Variants in XPR1 observed in about 807,000 individuals in gnomAD.
XPR1 encodes solute carrier family 53 member 1.
In XPR1, 28 loss-of-function variants were observed where a neutral mutation model predicts 87.5. The observed-to-expected ratio is 0.32, with a 90% CI of 0.24 to 0.44. XPR1 has a LOEUF of 0.44. XPR1 is among the 20% of genes least tolerant of loss of function. The probability of loss-of-function intolerance (pLI) is 1.00; values close to 1 mark genes in which losing one functional copy is unlikely to be tolerated. For synonymous variants in XPR1, 300 were observed against 306.1 expected (o/e 0.98, Z 0.21); for missense variants, 559 against 862.3 (o/e 0.65, Z 4.41).
In XPR1 at chr1:180,888,116, G is replaced by A. The variant is rs758239601; in HGVS notation, c.*4050G>A. Reference sequence around the variant, plus strand: ...GATGCCTCCATCTGTCCGCTTAGTGGTTATTAAATTGCTGGGAAAGACCTG... The same window carrying A: ...GATGCCTCCATCTGTCCGCTTAGTGATTATTAAATTGCTGGGAAAGACCTG... On this transcript the variant is annotated 3_prime_UTR_variant, in exon 15 of 15. Transcript: ENST00000367590. The A allele has an allele frequency of 8.5e-5, 13 of 152,170 alleles. No homozygotes were observed. The highest frequency in any genetic ancestry group is 1.5e-4 in the Non-Finnish European group (10 of 68,038). 9.4% of individuals were successfully genotyped at this position (152,170 alleles called of 1,614,324 possible). A position where few individuals can be genotyped will look rare whatever the true frequency, so the allele number is the denominator to read the frequency against.
rs137952406 is a variant in XPR1, at chr1:180,637,975, A to C, written c.69+5705A>C. Among the ~76,000 whole-genome samples, 127 of 152,334 alleles carry C rather than the reference A, an allele frequency of 8.3e-4. 2 individuals are homozygous for C. The East Asian group carries it at 0.022, about 26-fold the overall frequency. On this transcript the variant is annotated intron_variant, in intron 1 of 14. Coordinates refer to ENST00000367590, the MANE Select transcript of XPR1 (RefSeq NM_004736.4). ...TCTGTTTTTTCAGTTTATAGCCATT[A>C]ATTAAGTTTCAAAATCAAATGAATC...
rs539497810 is a variant in XPR1, at chr1:180,727,585, A to C, written c.121+45174A>C. Among the ~76,000 whole-genome samples the C allele has an allele frequency of 1.4e-4, 22 of 152,282 alleles. No individual in the cohort carries two copies. In the East Asian group the frequency reaches 4.3e-3, roughly 29 times the overall value. ...CTTGAACCCAGGAGGCAGAGGTTGC[A>C]GTGAGCCGAGATCGCACCATTGCAC... On this transcript the variant is annotated intron_variant, in intron 2 of 14. Transcript: ENST00000367590.
intron 1 of XPR1, among the ~76,000 whole-genome samples, chr1:180,634,310 C>T (rs1290988779): frequency 2.0e-5 from 3 of 152,132 alleles, no homozygotes; most frequent in Non-Finnish European, 4.4e-5. Context: ...TACTATATGG[C>T]TCCTGTCCTA....
intron 11 of XPR1, among the ~76,000 whole-genome samples, chr1:180,859,443 CT>C (rs1652146508): frequency 6.6e-6 from 1 of 152,106 alleles, no homozygotes; most frequent in Non-Finnish European, 1.5e-5. Flanking sequence ...CTGAATATCA[CT>C]AAAGTGTGCT....
At chr1:180,696,604 G>A (rs1657183544) in intron 2 of XPR1, among the ~76,000 whole-genome samples, 2 of 152,210 alleles carry the variant, frequency 1.3e-5, no homozygotes, top group South Asian at 4.1e-4. Context: ...TTCCCCTTCA[G>A]TATGATGTTG....
chr1:180,672,655 C>T (rs1027699935), intron 1 of XPR1, among the ~76,000 whole-genome samples: 1 of 152,036 alleles, frequency 6.6e-6, no homozygotes, highest in Admixed American at 6.5e-5. Context: ...CTGACTTGTA[C>T]ATTATTCACC....
intron 11 of XPR1, among the ~76,000 whole-genome samples, chr1:180,839,410 G>A (rs898650510): frequency 6.6e-6 from 1 of 152,090 alleles, no homozygotes; most frequent in African/African-American, 2.4e-5. Flanking sequence ...TAATTGTTAG[G>A]AAAATAAAAA....
intron 2 of XPR1, among the ~76,000 whole-genome samples, chr1:180,708,737 C>T (rs1280316423): frequency 6.6e-6 from 1 of 152,004 alleles, no homozygotes; most frequent in Non-Finnish European, 1.5e-5. Flanking sequence ...AAATTTCAAA[C>T]TCTTTCATAA....
At chr1:180,642,985 A>G (rs112798476) in intron 1 of XPR1, among the ~76,000 whole-genome samples, 203 of 152,280 alleles carry the variant, frequency 1.3e-3, no homozygotes, top group African/African-American at 4.3e-3. Flanking sequence ...AGTTAATGCA[A>G]TCTGGTTTAG....
chr1:180,782,694 C>G (rs915219620), intron 2 of XPR1, among the ~76,000 whole-genome samples: 2 of 151,936 alleles, frequency 1.3e-5, no homozygotes, highest in Non-Finnish European at 2.9e-5. Flanking sequence ...TCTCCAAATA[C>G]AAGTCACATT....
chr1:180,729,047 T>C (rs1658458675), intron 2 of XPR1, among the ~76,000 whole-genome samples: 1 of 152,188 alleles, frequency 6.6e-6, no homozygotes, highest in South Asian at 2.1e-4. Context: ...TGTGTCCATG[T>C]GTGCTGAATG....
intron 1 of XPR1, among the ~76,000 whole-genome samples, chr1:180,638,564 C>A (rs902682374): frequency 2.0e-5 from 3 of 152,072 alleles, no homozygotes; most frequent in African/African-American, 7.2e-5. Context: ...ACAAATCATT[C>A]GTTCATTCCA....
chr1:180,782,158 C>T (rs991593108), intron 2 of XPR1, among the ~76,000 whole-genome samples: 9 of 151,658 alleles, frequency 5.9e-5, no homozygotes, highest in Admixed American at 2.6e-4. Context: ...TTTTTTCTCT[C>T]GTTTGACTTC....
intron 2 of XPR1, among the ~76,000 whole-genome samples, chr1:180,703,754 G>T (rs892445787): frequency 1.3e-5 from 2 of 152,020 alleles, no homozygotes; most frequent in Admixed American, 1.3e-4. Flanking sequence ...ATTTTTCATT[G>T]GTTTGTAATG....
intron 2 of XPR1, among the ~76,000 whole-genome samples, chr1:180,772,082 T>C (rs2102067175): frequency 6.6e-6 from 1 of 151,430 alleles, no homozygotes; most frequent in South Asian, 2.1e-4. Flanking sequence ...AGCTGTTCTT[T>C]CTCACACATT....
In XPR1 at chr1:180,825,151, C is replaced by G; in HGVS notation, c.955-14C>G. ...ATTTTTCTCTATCTTTCTGTCTTCC[C>G]CATCCTTTACTAGATTGCTGGATTC... On this transcript the variant is annotated splice_polypyrimidine_tract_variant and intron_variant, in intron 8 of 14. Coordinates refer to ENST00000367590, the MANE Select transcript of XPR1 (RefSeq NM_004736.4). The G allele has an allele frequency of 6.3e-7, 1 of 1,587,498 alleles. No individual in the cohort carries two copies. The highest frequency in any genetic ancestry group is 8.5e-7 in the Non-Finnish European group (1 of 1,170,848).
chr1:180,704,245 G>GATATATATATATATATATATAT lies in XPR1; in HGVS notation c.121+21845_121+21866dup, dbSNP rs35751561. 2.2e-3 allele frequency among the ~76,000 whole-genome samples: 147 copies of GATATATATATATATATATATAT among 65,986 alleles called. 2 individuals carry two copies. Among genetic ancestry groups the GATATATATATATATATATATAT allele is most frequent in the South Asian group, 3.8e-3 (7 of 1,864 alleles). 43.3% of individuals were successfully genotyped at this position (65,986 alleles called of 152,430 possible). A position where few individuals can be genotyped will look rare whatever the true frequency, so the allele number is the denominator to read the frequency against. ...TTTCTCAAGAACACTATAGGTGCTG[G>GATATATATATATATATATATAT]ATATATATATATATATATATATATA... On this transcript the variant is annotated intron_variant, in intron 2 of 14. Transcript: ENST00000367590.
At chr1:180,856,467 C>G (rs1030058096) in intron 11 of XPR1, among the ~76,000 whole-genome samples, 1 of 152,196 alleles carries the variant, frequency 6.6e-6, no homozygotes, top group Admixed American at 6.5e-5. Context: ...ACTCCCCAGT[C>G]TGTATCTGAA....
intron 2 of XPR1, among the ~76,000 whole-genome samples, chr1:180,690,170 G>A (rs1282576428): frequency 1.3e-5 from 2 of 150,434 alleles, no homozygotes; most frequent in Non-Finnish European, 1.5e-5. Context: ...AAAAAAAAAA[G>A]TGTATTTAAA....
Sources: allele counts gnomAD v4.1 joint callset (sites outside exome capture counted in the v4.1 genomes callset), GRCh38; gene constraint gnomAD v4.1.1; transcripts MANE v1.5; gene names NCBI Gene and HGNC (gene_info 2026-07-23, HGNC 2026-07-21).